CREB5: variants seen among roughly 807,000 people sequenced by gnomAD.
CREB5 encodes cAMP responsive element binding protein 5, also known as cyclic AMP-responsive element-binding protein 5.
Under a neutral mutation model 57.1 loss-of-function variants are expected in CREB5, and 19 were observed. That is an observed-to-expected ratio of 0.33 (90% CI 0.23 to 0.49). The LOEUF is 0.49. Among genes scored for constraint, CREB5 ranks in the 20% least tolerant of loss-of-function variants. The pLI, the probability that CREB5 is intolerant of heterozygous loss-of-function variation, is 0.99. For synonymous variants in CREB5, 238 were observed against 238.3 expected, an observed-to-expected ratio of 1.00 and a Z score of 0.01; for missense variants, 579 against 671.6, an observed-to-expected ratio of 0.86 and a Z score of 1.52.
At chr7:28,318,003 C>T (rs556466856) in intron 1 of CREB5, among the ~76,000 whole-genome samples, 44 of 152,312 alleles carry the variant, frequency 2.9e-4, no homozygotes, top group African/African-American at 1.0e-3. Context: ...AAATACACTT[C>T]TGAAATTTGC....
intron 2 of CREB5, chr7:28,491,142 C>G (rs940591051): frequency 1.1e-6 from 1 of 891,822 alleles, no homozygotes; most frequent in Admixed American, 6.2e-5. Context: ...TTCAAGAGCA[C>G]TAGGCAGTGA....
chr7:28,635,046 T>C (rs1798359997), intron 5 of CREB5, among the ~76,000 whole-genome samples: 1 of 152,158 alleles, frequency 6.6e-6, no homozygotes, highest in African/African-American at 2.4e-5. Flanking sequence ...GGAATTTACT[T>C]GGGGCTGTTT....
At chr7:28,734,585 G>C (rs1481910804) in intron 7 of CREB5, among the ~76,000 whole-genome samples, 1 of 151,938 alleles carries the variant, frequency 6.6e-6, no homozygotes, top group East Asian at 1.9e-4. Flanking sequence ...ATAGTCCTTT[G>C]ATTATAAAAA....
At chr7:28,410,940 T>TC, upstream of CREB5, among the ~76,000 whole-genome samples, 1 of 150,430 alleles carries the variant, frequency 6.6e-6, no homozygotes, top group African/African-American at 2.5e-5. Flanking sequence ...TCTCCACCAC[T>TC]CCCCCGTCTA....
intron 1 of CREB5, among the ~76,000 whole-genome samples, chr7:28,438,035 G>A (rs1038077266): frequency 6.6e-6 from 1 of 152,134 alleles, no homozygotes; most frequent in Non-Finnish European, 1.5e-5. Flanking sequence ...TGGTCGGGAT[G>A]CATCGTGATG....
intron 1 of CREB5, among the ~76,000 whole-genome samples, chr7:28,342,555 T>G (rs1392272330): frequency 6.6e-6 from 1 of 152,238 alleles, no homozygotes. Flanking sequence ...AGTTGCAGAA[T>G]TAAAATGGCA....
intron 1 of CREB5, among the ~76,000 whole-genome samples, chr7:28,400,703 G>A (rs1319604420): frequency 6.6e-6 from 1 of 152,122 alleles, no homozygotes; most frequent in Non-Finnish European, 1.5e-5. Context: ...GTAAGAACGA[G>A]GAGGAATCGC....
At chr7:28,323,562 T>C (rs930386006) in intron 1 of CREB5, among the ~76,000 whole-genome samples, 1 of 152,120 alleles carries the variant, frequency 6.6e-6, no homozygotes. Context: ...TGTACCACTT[T>C]TCGGCTCCTG....
At position 28,560,977 on chromosome 7, in the gene CREB5, T is replaced by TGCGTGTGTGC. The variant is rs1554344547; in HGVS notation, c.292-9387_292-9386insCGTGTGTGCG. On this transcript the variant is annotated intron_variant, in intron 4 of 10. Coordinates refer to ENST00000357727, the MANE Select transcript of CREB5 (RefSeq NM_182898.4). The stretch of plus-strand genomic sequence containing the variant: ...GTGTGTGTGCGTGTGTGTGTGCGTG[T>TGCGTGTGTGC]GTGCGTGCGTGTGTGTGCCTGCGTG... 8.2e-5 allele frequency among the ~76,000 whole-genome samples: 4 copies of TGCGTGTGTGC among 48,986 alleles called. 1 individual carries two copies. Among genetic ancestry groups the TGCGTGTGTGC allele is most frequent in the African/African-American group, 2.5e-4 (4 of 15,740 alleles). The allele number at this position is 48,986 out of a possible 152,430, so 32.1% of individuals were successfully genotyped here. A position where few individuals can be genotyped will look rare whatever the true frequency, so the allele number is the denominator to read the frequency against.
rs183362314 is a variant in CREB5, at chr7:28,541,189, A to T, written c.292-29176A>T. Among the ~76,000 whole-genome samples the T allele has an allele frequency of 7.0e-3, 1,059 of 152,344 alleles. 47 individuals carry two copies. Among genetic ancestry groups the T allele is most frequent in the Admixed American group, 0.064 (977 of 15,296 alleles). On this transcript the variant is annotated intron_variant, in intron 4 of 10. Transcript: ENST00000357727. ...AATGCTATTAAATTAAGTACGGATGAGAAGTATAAAAGCTTGTGAAAGTAT... is the reference window on the plus strand; with the variant it reads ...AATGCTATTAAATTAAGTACGGATGTGAAGTATAAAAGCTTGTGAAAGTAT...
chr7:28,624,450 T>G (rs1797923625), intron 5 of CREB5, among the ~76,000 whole-genome samples: 1 of 152,208 alleles, frequency 6.6e-6, no homozygotes, highest in South Asian at 2.1e-4. Flanking sequence ...ATAATGCGTG[T>G]GGAAATCCCA....
chr7:28,350,515 G>A (rs116793675), intron 1 of CREB5, among the ~76,000 whole-genome samples: 453 of 151,764 alleles, frequency 3.0e-3, no homozygotes, highest in African/African-American at 0.01. Context: ...TCTGGCTATA[G>A]TGATTGATTC....
chr7:28,703,007 A>C (rs916358713), intron 5 of CREB5, among the ~76,000 whole-genome samples: 2 of 152,218 alleles, frequency 1.3e-5, no homozygotes, highest in African/African-American at 4.8e-5. Flanking sequence ...AGGTGGAAAG[A>C]TAGTACTACA....
At chr7:28,506,727 G>A (rs1792492068) in intron 3 of CREB5, among the ~76,000 whole-genome samples, 1 of 152,170 alleles carries the variant, frequency 6.6e-6, no homozygotes, top group Non-Finnish European at 1.5e-5. Context: ...CTTCACCAAG[G>A]AAGATGATTG....
At chr7:28,467,718 A>C (rs1790648595) in intron 1 of CREB5, among the ~76,000 whole-genome samples, 1 of 152,180 alleles carries the variant, frequency 6.6e-6, no homozygotes, top group Non-Finnish European at 1.5e-5. Context: ...AGGATGGATA[A>C]CAGAAAAGCC....
In CREB5 at chr7:28,692,063, G is replaced by A. The variant is rs1474217328; in HGVS notation, c.465-26690G>A. ...TAGCTGGGCGTGGTGGCATGCGCAC[G>A]TAGTCCCAGCTACTTAGGAGGCTGA... On this transcript the variant is annotated intron_variant, in intron 5 of 10. Transcript: ENST00000357727. 9.3e-5 allele frequency among the ~76,000 whole-genome samples: 14 copies of A among 150,992 alleles called. 1 individual carries two copies. Among genetic ancestry groups the A allele is most frequent in the Admixed American group, 5.3e-4 (8 of 15,158 alleles).
chr7:28,343,634 C>T (rs2127989263), intron 1 of CREB5, among the ~76,000 whole-genome samples: 1 of 152,244 alleles, frequency 6.6e-6, no homozygotes, highest in East Asian at 1.9e-4. Flanking sequence ...TTGATGAACA[C>T]TTAGGTTGAT....
intron 5 of CREB5, among the ~76,000 whole-genome samples, chr7:28,705,103 G>A (rs879665715): frequency 4.6e-5 from 7 of 152,284 alleles, no homozygotes; most frequent in Non-Finnish European, 7.4e-5. Flanking sequence ...GGTGGCTGAC[G>A]CCTATAATCC....
chr7:28,691,036 G>A (rs1294973445), intron 5 of CREB5, among the ~76,000 whole-genome samples: 1 of 152,202 alleles, frequency 6.6e-6, no homozygotes, highest in African/African-American at 2.4e-5. Context: ...GATGCTTACT[G>A]CCCTGTGGCA....
Sources: allele counts gnomAD v4.1 joint callset (sites outside exome capture counted in the v4.1 genomes callset), GRCh38; gene constraint gnomAD v4.1.1; transcripts MANE v1.5; gene names NCBI Gene and HGNC (gene_info 2026-07-23, HGNC 2026-07-21).